ANKRD18B: variants seen among roughly 807,000 people sequenced by gnomAD.
ANKRD18B encodes the protein ankyrin repeat domain-containing protein 18B.
In ANKRD18B, 75 loss-of-function variants were observed where a neutral mutation model predicts 111.8. That is an observed-to-expected ratio of 0.67 (90% CI 0.56 to 0.81). ANKRD18B has a LOEUF of 0.81. ANKRD18B is among the 40% of genes least tolerant of loss of function. The probability of loss-of-function intolerance (pLI) is 0.00; values close to 1 mark genes in which losing one functional copy is unlikely to be tolerated. For missense variants in ANKRD18B, 1,038 were observed against 1,225.5 expected (o/e 0.85, Z 2.28); for synonymous variants, 356 against 417.3 (o/e 0.85, Z 1.79).
At chr9:33,528,236 G>C (rs529828720) in intron 1 of ANKRD18B, among the ~76,000 whole-genome samples, 1 of 152,370 alleles carries the variant, frequency 6.6e-6, no homozygotes, top group South Asian at 2.1e-4. Flanking sequence ...ACAAGTGCCA[G>C]GCTGCAGTGA....
intron 14 of ANKRD18B, among the ~76,000 whole-genome samples, chr9:33,559,637 C>T (rs1468859971): frequency 6.6e-6 from 1 of 151,838 alleles, no homozygotes; most frequent in Non-Finnish European, 1.5e-5. Flanking sequence ...AGACTTGATA[C>T]TAATAAAAAG....
intron 12 of ANKRD18B, 140 bp downstream of exon 12, chr9:33,550,719 T>C: frequency 1.1e-6 from 1 of 904,666 alleles, no homozygotes; most frequent in African/African-American, 1.7e-5. Context: ...TTTTATTATC[T>C]TTATAACGTA....
chr9:33,544,399 G>A (rs1276287398), intron 10 of ANKRD18B, among the ~76,000 whole-genome samples: 1 of 152,074 alleles, frequency 6.6e-6, no homozygotes, highest in Non-Finnish European at 1.5e-5. Flanking sequence ...TTTAAAACAT[G>A]CACCCTGTCA....
rs371352271 is a variant in ANKRD18B, at chr9:33,568,674, G to A, written c.2958G>A (p.Ser986=). The change falls in exon 17 of 19, where the codon TCG becomes TCA. Residue 986 remains serine, a synonymous_variant. Coordinates refer to ENST00000684830, the MANE Select transcript of ANKRD18B (RefSeq NM_001393611.1). Reference sequence around the variant, plus strand: ...TTTGTCTTTGCTCTCTTTACAGATCGGATAAGAAAATAGCTGTGATCAGCA... The same window carrying A: ...TTTGTCTTTGCTCTCTTTACAGATCAGATAAGAAAATAGCTGTGATCAGCA... The part of the protein sequence containing the change: ...NSSMSEKITK[S]DKKIAVISTK... 31 of 1,535,096 alleles carry A rather than the reference G, an allele frequency of 2.0e-5. No individual in the cohort carries two copies. The highest frequency in any genetic ancestry group is 8.5e-5 in the Admixed American group (4 of 47,112).
At chr9:33,547,520 C>G (rs1808146571) in intron 10 of ANKRD18B, among the ~76,000 whole-genome samples, 1 of 152,038 alleles carries the variant, frequency 6.6e-6, no homozygotes, top group African/African-American at 2.4e-5. Context: ...AGGTAAAGCT[C>G]TTACTATAGG....
At chr9:33,554,081 AT>A (rs984458560) in intron 12 of ANKRD18B, among the ~76,000 whole-genome samples, 10 of 151,900 alleles carry the variant, frequency 6.6e-5, no homozygotes, top group African/African-American at 2.4e-4. Flanking sequence ...CAAAAAAAAA[AT>A]AAATAAATAA....
intron 1 of ANKRD18B, among the ~76,000 whole-genome samples, chr9:33,524,948 G>T (rs1338888729): frequency 6.6e-6 from 1 of 152,244 alleles, no homozygotes; most frequent in Non-Finnish European, 1.5e-5. Flanking sequence ...TGCCTAATGA[G>T]AACTCATTCC....
intron 14 of ANKRD18B, among the ~76,000 whole-genome samples, chr9:33,563,758 C>T (rs971586779): frequency 1.5e-4 from 23 of 151,412 alleles, no homozygotes; most frequent in African/African-American, 5.6e-4. Context: ...CTTCTTACTA[C>T]TTCAATCATT....
intron 9 of ANKRD18B, among the ~76,000 whole-genome samples, chr9:33,541,905 A>T (rs565176): frequency 3.9e-5 from 6 of 152,156 alleles, no homozygotes; most frequent in African/African-American, 7.2e-5. Context: ...TTCTGGCATT[A>T]CTGAGCTGCT....
chr9:33,541,368 A>C, intron 9 of ANKRD18B, 141 bp downstream of exon 9: 1 of 1,273,098 alleles, frequency 7.9e-7, no homozygotes, highest in Non-Finnish European at 1.0e-6. Context: ...TCACCCATCC[A>C]TGATAAAATA....
intron 14 of ANKRD18B, among the ~76,000 whole-genome samples, chr9:33,558,868 A>G (rs1008399848): frequency 6.6e-6 from 1 of 152,232 alleles, no homozygotes; most frequent in Non-Finnish European, 1.5e-5. Flanking sequence ...AGAATGCTTC[A>G]TGAGACAGTC....
intron 5 of ANKRD18B, among the ~76,000 whole-genome samples, chr9:33,535,100 A>C (rs1019263997): frequency 1.3e-5 from 2 of 151,946 alleles, no homozygotes; most frequent in Non-Finnish European, 2.9e-5. Flanking sequence ...TCAGAAGAAG[A>C]GGGGAAAAGG....
chr9:33,529,914 G>A (rs1278479703), intron 3 of ANKRD18B, among the ~76,000 whole-genome samples: 2 of 152,094 alleles, frequency 1.3e-5, no homozygotes, highest in African/African-American at 2.4e-5. Flanking sequence ...TACCCATCCC[G>A]GCAAAAACAG....
In ANKRD18B at chr9:33,528,857, C is replaced by A. The variant is rs778157667; in HGVS notation, c.321+16C>A. On this transcript the variant is annotated intron_variant, in intron 2 of 18. Transcript: ENST00000684830. The stretch of plus-strand genomic sequence containing the variant: ...TTTAATGAAGGTATATAGTAGCCAA[C>A]TCAGCATGAAATGGATTTGATTTAA... The A allele has an allele frequency of 5.0e-6, 8 of 1,589,730 alleles. No homozygotes were observed. The highest frequency in any genetic ancestry group is 3.4e-5 in the South Asian group (3 of 87,804).
chr9:33,565,237 A>G (rs1422606360), intron 14 of ANKRD18B, among the ~76,000 whole-genome samples: 4 of 152,210 alleles, frequency 2.6e-5, no homozygotes, highest in Non-Finnish European at 5.9e-5. Context: ...TCATATGGAT[A>G]GTTTACCAGT....
At position 33,524,437 on chromosome 9, in the gene ANKRD18B, G is replaced by A. The variant is rs946559058; in HGVS notation, c.-53G>A. The A allele has an allele frequency of 1.9e-5, 29 of 1,493,364 alleles. No homozygotes were observed. In the African/African-American group the frequency reaches 3.8e-4, roughly 20 times the overall value. 92.5% of individuals were successfully genotyped at this position (1,493,364 alleles called of 1,614,324 possible). ...AGCTGGGTGGGGGTGGAAAGGCCAC[G>A]AGGAGCCGCGGCGTCTCAGGAGCGG... On this transcript the variant is annotated 5_prime_UTR_variant, in exon 1 of 19. Transcript: ENST00000684830.
At position 33,567,321 on chromosome 9, in the gene ANKRD18B, C is replaced by G; in HGVS notation, c.2954+7C>G. 6.5e-7 allele frequency: 1 copy of G among 1,536,846 alleles called. No individual in the cohort carries two copies. Among genetic ancestry groups the G allele is most frequent in the Non-Finnish European group, 8.8e-7 (1 of 1,142,290 alleles). On this transcript the variant is annotated splice_region_variant and intron_variant, in intron 16 of 18. Transcript: ENST00000684830. ...TGTCAGAAAAAATAACGAAGTAAGT[C>G]AAAACATATACTCATAGAAAATGAA... is the stretch of plus-strand genomic sequence containing the variant.
At position 33,558,321 on chromosome 9, in the gene ANKRD18B, G is replaced by A. The variant is rs1183188448; in HGVS notation, c.2460+134G>A. On this transcript the variant is annotated intron_variant, in intron 14 of 18. Transcript: ENST00000684830. The stretch of plus-strand genomic sequence containing the variant: ...ATCCATCACCTAGGTATTAAGCCCC[G>A]TAGGCATTAGCTATTAATCTTGATG... 7.3e-5 allele frequency: 73 copies of A among 1,004,090 alleles called. No homozygotes were observed. In the East Asian group the frequency reaches 7.7e-4, roughly 11 times the overall value. The allele number at this position is 1,004,090 out of a possible 1,614,324, so 62.2% of individuals were successfully genotyped here.
At chr9:33,569,041 A>G in intron 17 of ANKRD18B, 148 bp downstream of exon 17, 1 of 723,982 alleles carries the variant, frequency 1.4e-6, no homozygotes, top group Non-Finnish European at 2.0e-6. Context: ...AGGAAATGGA[A>G]ACTTTACATT....
Sources: gnomAD v4.1 joint callset for allele counts (sites outside exome capture counted in the v4.1 genomes callset) on GRCh38, gnomAD v4.1.1 for gene constraint, MANE v1.5 for transcripts, NCBI Gene and HGNC (gene_info 2026-07-23, HGNC 2026-07-21) for gene names.